MEGF11: variants seen among roughly 807,000 people sequenced by gnomAD.
The protein encoded by MEGF11 is multiple epidermal growth factor-like domains protein 11.
In MEGF11, 126 loss-of-function variants were observed where a neutral mutation model predicts 146.6. That is an observed-to-expected ratio of 0.86 (90% CI 0.74 to 1.00). MEGF11 has a LOEUF of 1.00. Ranked by LOEUF, MEGF11 falls within the 50% of genes least tolerant of loss-of-function variation. The pLI is 0.00. For synonymous variants in MEGF11, 532 were observed against 583.4 expected (o/e 0.91, Z 1.27); for missense variants, 1,509 against 1,521.2 (o/e 0.99, Z 0.13).
chr15:66,042,007 C>T (rs76651371), intron 5 of MEGF11, among the ~76,000 whole-genome samples: 2,326 of 152,196 alleles, frequency 0.015, 58 homozygotes, highest in African/African-American at 0.051. Context: ...ACAAGATCCT[C>T]GACCCCCAGG....
chr15:66,039,673 C>T (rs1312944579), intron 5 of MEGF11, among the ~76,000 whole-genome samples: 1 of 152,182 alleles, frequency 6.6e-6, no homozygotes, highest in East Asian at 1.9e-4. Flanking sequence ...GGACTACATC[C>T]TCTAGGAAGC....
At chr15:66,233,963 T>G (rs1428811833) in intron 1 of MEGF11, among the ~76,000 whole-genome samples, 1 of 150,388 alleles carries the variant, frequency 6.6e-6, no homozygotes, top group Non-Finnish European at 1.5e-5. Context: ...TTTTTTTTTT[T>G]TTTTGAGATG....
At chr15:65,900,673 T>A (rs2078474153) in intron 24 of MEGF11, among the ~76,000 whole-genome samples, 2 of 152,178 alleles carry the variant, frequency 1.3e-5, no homozygotes. Flanking sequence ...AGATTTAGAG[T>A]GGAAATTGAC....
intron 1 of MEGF11, among the ~76,000 whole-genome samples, chr15:66,252,864 G>A (rs902497468): frequency 1.4e-4 from 22 of 152,322 alleles, no homozygotes; most frequent in African/African-American, 4.6e-4. Context: ...CCACGCTCCA[G>A]GCGCGCGCAG....
chr15:65,912,330 C>T (rs1271698073), intron 20 of MEGF11, 130 bp from the exon 21 acceptor site: 2 of 478,474 alleles, frequency 4.2e-6, no homozygotes, highest in Middle Eastern at 5.7e-4. Context: ...ACCCCATCCC[C>T]CAAGCTTCCT....
intron 5 of MEGF11, among the ~76,000 whole-genome samples, chr15:66,031,820 G>A (rs569132004): frequency 6.6e-6 from 1 of 152,344 alleles, no homozygotes; most frequent in East Asian, 1.9e-4. Flanking sequence ...CTGCCCTCGT[G>A]AATGGATTAA....
rs56910946 is a variant in MEGF11 at position 66,192,470 on chromosome 15, A to AAAAATAAAATAAAATAAAATAAAAT, written c.-9+61110_-9+61134dup. Among the ~76,000 whole-genome samples, 292 of 130,504 alleles carry AAAAATAAAATAAAATAAAATAAAAT rather than the reference A, an allele frequency of 2.2e-3. 2 individuals are homozygous for AAAAATAAAATAAAATAAAATAAAAT. The highest frequency in any genetic ancestry group is 6.0e-3 in the African/African-American group (210 of 35,180). The allele number at this position is 130,504 out of a possible 152,430, so 85.6% of individuals were successfully genotyped here. ...GGGTGACAGAGCAAGACTCCATCTC[A>AAAAATAAAATAAAATAAAATAAAAT]AAAATAAAATAAAATAAAATAAAAT... On this transcript the variant is annotated intron_variant, in intron 1 of 25. Coordinates refer to ENST00000395614, the MANE Select transcript of MEGF11 (RefSeq NM_001385028.1).
chr15:66,071,612 C>T (rs1369642649), intron 5 of MEGF11, among the ~76,000 whole-genome samples: 4 of 152,220 alleles, frequency 2.6e-5, no homozygotes, highest in Non-Finnish European at 5.9e-5. Context: ...TGTCATTTCT[C>T]ATGATCTGTA....
rs373886919 is a variant in MEGF11 at position 65,951,687 on chromosome 15, A to AAAACAAAC, written c.1287+5852_1287+5859dup. 3.3e-4 allele frequency among the ~76,000 whole-genome samples: 50 copies of AAAACAAAC among 149,844 alleles called. 1 individual carries two copies. Among genetic ancestry groups the AAAACAAAC allele is most frequent in the East Asian group, 2.4e-3 (12 of 5,050 alleles). ...AGGCAACAGAGCAAGAGTCCATCTC[A>AAAACAAAC]AAACAAACAAACAAACAAACAAACA... On this transcript the variant is annotated intron_variant, in intron 10 of 25. Coordinates refer to ENST00000395614, the MANE Select transcript of MEGF11 (RefSeq NM_001385028.1).
chr15:66,222,990 T>C (rs1470857646), intron 1 of MEGF11, among the ~76,000 whole-genome samples: 1 of 152,182 alleles, frequency 6.6e-6, no homozygotes, highest in Non-Finnish European at 1.5e-5. Flanking sequence ...CTCCTAGGCA[T>C]GTACCCAACA....
intron 6 of MEGF11, among the ~76,000 whole-genome samples, chr15:65,981,159 G>T (rs2081625408): frequency 6.6e-6 from 1 of 152,180 alleles, no homozygotes; most frequent in African/African-American, 2.4e-5. Context: ...CTGGGGAGGA[G>T]GCTGAGGAAG....
chr15:65,947,710 G>C (rs1051330231), intron 10 of MEGF11, among the ~76,000 whole-genome samples: 2 of 152,166 alleles, frequency 1.3e-5, no homozygotes, highest in South Asian at 2.1e-4. Flanking sequence ...GTTCTGGCTA[G>C]GACTGGGAGC....
intron 5 of MEGF11, among the ~76,000 whole-genome samples, chr15:66,045,996 G>A (rs8042977): frequency 0.029 from 4,417 of 152,154 alleles, 134 homozygotes; most frequent in African/African-American, 0.077. Flanking sequence ...CCAGCTACTC[G>A]GGAGGCTGAG....
chr15:66,207,410 T>C (rs2091328028), intron 1 of MEGF11, among the ~76,000 whole-genome samples: 1 of 152,216 alleles, frequency 6.6e-6, no homozygotes, highest in Non-Finnish European at 1.5e-5. Context: ...GTCTTCAAAA[T>C]GTTGAAAGTA....
At chr15:65,931,413 C>A (rs1273694655) in intron 10 of MEGF11, among the ~76,000 whole-genome samples, 2 of 152,180 alleles carry the variant, frequency 1.3e-5, no homozygotes, top group Non-Finnish European at 2.9e-5. Context: ...AGGAAATAGA[C>A]CCTCTCCTAA....
At chr15:66,244,035 G>A (rs1425443013) in intron 1 of MEGF11, among the ~76,000 whole-genome samples, 2 of 152,226 alleles carry the variant, frequency 1.3e-5, no homozygotes, top group Admixed American at 1.3e-4. Context: ...CTTGGGCCAA[G>A]CCACTTGAAC....
At chr15:66,064,902 C>T (rs1478451832) in intron 5 of MEGF11, among the ~76,000 whole-genome samples, 1 of 152,148 alleles carries the variant, frequency 6.6e-6, no homozygotes, top group Non-Finnish European at 1.5e-5. Flanking sequence ...TAGATTCCTC[C>T]ATCAGGCTGG....
chr15:65,958,232 C>A (rs1038265141), intron 9 of MEGF11, among the ~76,000 whole-genome samples: 5 of 152,212 alleles, frequency 3.3e-5, no homozygotes. Context: ...CCAGATGTGG[C>A]CTCCTCTCTC....
chr15:65,966,713 G>A (rs1211332373), intron 8 of MEGF11, among the ~76,000 whole-genome samples: 1 of 152,112 alleles, frequency 6.6e-6, no homozygotes, highest in East Asian at 1.9e-4. Context: ...TCCTGTGTGT[G>A]TCTGGGCTAG....
Sources: allele counts gnomAD v4.1 joint callset (sites outside exome capture counted in the v4.1 genomes callset), GRCh38; gene constraint gnomAD v4.1.1; transcripts MANE v1.5; gene names NCBI Gene and HGNC (gene_info 2026-07-23, HGNC 2026-07-21).